GLP1R: variants seen among roughly 807,000 people sequenced by gnomAD.
GLP1R encodes the protein glucagon like peptide 1 receptor, also known as glucagon-like peptide 1 receptor.
In GLP1R, 32 loss-of-function variants were observed where a neutral mutation model predicts 68.4. The observed-to-expected ratio is 0.47, with a 90% CI of 0.35 to 0.63. GLP1R has a LOEUF of 0.63. GLP1R is among the 20% of genes least tolerant of loss of function. The pLI, the probability that GLP1R is intolerant of heterozygous loss-of-function variation, is 0.00. For missense variants in GLP1R, 502 were observed against 594.9 expected, an observed-to-expected ratio of 0.84 and a Z score of 1.62; for synonymous variants, 263 against 244.4, an observed-to-expected ratio of 1.08 and a Z score of -0.71.
Position 39,079,773 on chromosome 6 carries a change from C to T in GLP1R, c.1182+71C>T. ...GGGTGGGACAGACACCAGCCTGCAT[C>T]ATGCAGATGGAAAAGGTGGGAAGAC... On this transcript the variant is annotated intron_variant, in intron 11 of 12. Coordinates refer to ENST00000373256, the MANE Select transcript of GLP1R (RefSeq NM_002062.5). This position sits in a 1 kb window ranked among gnomAD's most constrained non-coding sequence, Gnocchi z 4.5. 7.3e-7 allele frequency: 1 copy of T among 1,368,122 alleles called. No individual in the cohort carries two copies. Among genetic ancestry groups the T allele is most frequent in the Non-Finnish European group, 1.0e-6 (1 of 975,722 alleles). The allele number at this position is 1,368,122 out of a possible 1,614,324, so 84.7% of individuals were successfully genotyped here. A position where few individuals can be genotyped will look rare whatever the true frequency, so the allele number is the denominator to read the frequency against.
rs1297534815 is a variant in GLP1R at position 39,088,137 on chromosome 6, G to A, written c.*2064G>A. On this transcript the variant is annotated 3_prime_UTR_variant, in exon 13 of 13. Coordinates refer to ENST00000373256, the MANE Select transcript of GLP1R (RefSeq NM_002062.5). ...AATCATTTAGTTTAAACTGTAAGTA[G>A]AGTTGTCTTCCCAACGAGAACTGGT... 2.0e-5 allele frequency among the ~76,000 whole-genome samples: 3 copies of A among 152,178 alleles called. No homozygotes were observed. The highest frequency in any genetic ancestry group is 6.5e-5 in the Admixed American group (1 of 15,274).
At chr6:39,073,481 C>A (rs1348431017) in intron 6 of GLP1R, 129 bp from the exon 7 acceptor site, 3 of 771,746 alleles carry the variant, frequency 3.9e-6, no homozygotes, top group African/African-American at 1.7e-5. Flanking sequence ...CTAGCCCTAG[C>A]CAGAGATGTG....
chr6:39,076,724 C>A (rs150760234), intron 7 of GLP1R, among the ~76,000 whole-genome samples: 1 of 152,222 alleles, frequency 6.6e-6, no homozygotes, highest in African/African-American at 2.4e-5. Flanking sequence ...TATGCACATG[C>A]TTACCTATCT....
rs1457412320 is a variant in GLP1R at position 39,088,917 on chromosome 6, C to G, written c.*2844C>G. Reference sequence around the variant, plus strand: ...GTCACAACACTAGAGGGTGGTTGAGCTGGGCCAGGACCCAGACAAGCCCTT... The same window carrying G: ...GTCACAACACTAGAGGGTGGTTGAGGTGGGCCAGGACCCAGACAAGCCCTT... On this transcript the variant is annotated 3_prime_UTR_variant, in exon 13 of 13. Transcript: ENST00000373256. Among the ~76,000 whole-genome samples, 2 of 152,172 alleles carry G rather than the reference C, an allele frequency of 1.3e-5. No individual in the cohort carries two copies. Among genetic ancestry groups the G allele is most frequent in the Non-Finnish European group, 2.9e-5 (2 of 68,038 alleles).
At chr6:39,080,627 T>G in intron 11 of GLP1R, 71 bp from the exon 12 acceptor site, 1 of 1,068,270 alleles carries the variant, frequency 9.4e-7, no homozygotes, top group Non-Finnish European at 1.4e-6. Flanking sequence ...CCCAAAGTGC[T>G]TCCGACCAGG....
Position 39,079,184 on chromosome 6 carries a change from A to G in GLP1R, c.1027A>G (p.Thr343Ala). 6.2e-7 allele frequency: 1 copy of G among 1,612,666 alleles called. No individual in the cohort carries two copies. The highest frequency in any genetic ancestry group is 8.5e-7 in the Non-Finnish European group (1 of 1,178,684). ...SKLKANLMCK[T>A]DIKCRLAKST... The stretch of plus-strand genomic sequence containing the variant: ...ACTGAAGGCCAATCTCATGTGCAAG[A>G]CAGACATCAAATGCAGGTGATGTAA... The change falls in exon 10 of 13, where the codon ACA becomes GCA. Residue 343 changes from threonine (T) to alanine (A), a missense_variant. Coordinates refer to ENST00000373256, the MANE Select transcript of GLP1R (RefSeq NM_002062.5). This position sits in a 1 kb window ranked among gnomAD's most constrained non-coding sequence, Gnocchi z 4.5.
intron 5 of GLP1R, among the ~76,000 whole-genome samples, chr6:39,072,512 G>T (rs560586111): frequency 6.6e-6 from 1 of 152,350 alleles, no homozygotes; most frequent in East Asian, 1.9e-4. Context: ...TAGGATGTGG[G>T]CCCTGTCAAC....
chr6:39,053,817 G>A (rs1173814656), intron 1 of GLP1R, among the ~76,000 whole-genome samples: 1 of 152,096 alleles, frequency 6.6e-6, no homozygotes, highest in African/African-American at 2.4e-5. Context: ...ATGGCACTGG[G>A]TGGCCCTAGC....
chr6:39,084,545 G>T (rs1019215027), intron 12 of GLP1R, among the ~76,000 whole-genome samples: 113 of 152,274 alleles, frequency 7.4e-4, no homozygotes, highest in African/African-American at 1.8e-3. Context: ...CTGCACAAGT[G>T]GGGGCCACCA....
chr6:39,085,868 GC>G (rs1462897613), intron 12 of GLP1R, 37 bp from the exon 13 acceptor site: 1 of 1,605,016 alleles, frequency 6.2e-7, no homozygotes, highest in African/African-American at 1.3e-5. Flanking sequence ...CCATTGGTTT[GC>G]ATGATGGCTT....
In GLP1R at chr6:39,066,207, A is replaced by G. The variant is rs1231876915; in HGVS notation, c.413A>G (p.Glu138Gly). ...CCCCGTGTGCCACAGAGCTCCCCGG[A>G]GGAGCAGCTCCTGTTCCTCTACATC... The part of the protein sequence containing the change: ...ESKRGERSSP[E>G]EQLLFLYIIY... The change falls in exon 5 of 13, where the codon GAG becomes GGG. Residue 138 changes from glutamate (E) to glycine (G), a missense_variant. Coordinates refer to ENST00000373256, the MANE Select transcript of GLP1R (RefSeq NM_002062.5). 1 of 1,595,858 alleles carries G rather than the reference A, an allele frequency of 6.3e-7. No homozygotes were observed. The highest frequency in any genetic ancestry group is 2.2e-5 in the East Asian group (1 of 44,720).
chr6:39,078,647 GAA>G (rs774780340), intron 8 of GLP1R, among the ~76,000 whole-genome samples: 1 of 152,200 alleles, frequency 6.6e-6, no homozygotes, highest in Non-Finnish European at 1.5e-5. Context: ...ATCTGCAAGT[GAA>G]ATGTTTGTGT....
intron 1 of GLP1R, among the ~76,000 whole-genome samples, chr6:39,053,646 G>C (rs948221485): frequency 6.6e-6 from 1 of 152,130 alleles, no homozygotes; most frequent in East Asian, 1.9e-4. Context: ...TGGGGGAGGG[G>C]CTGCTGTTCC....
rs184905666 is a variant in GLP1R at position 39,088,292 on chromosome 6, C to T, written c.*2219C>T. The stretch of plus-strand genomic sequence containing the variant: ...CTTTTCTTTGCTCCAACCCCCGCTC[C>T]CCCGGCCCCCCGAAGCTATTAATAG... On this transcript the variant is annotated 3_prime_UTR_variant, in exon 13 of 13. Transcript: ENST00000373256. 1.6e-3 allele frequency among the ~76,000 whole-genome samples: 248 copies of T among 151,930 alleles called. No individual in the cohort carries two copies. The highest frequency in any genetic ancestry group is 1.6e-3 in the Non-Finnish European group (112 of 67,976).
At chr6:39,063,688 C>T (rs79292305) in intron 3 of GLP1R, among the ~76,000 whole-genome samples, 2,208 of 152,166 alleles carry the variant, frequency 0.015, 61 homozygotes, top group African/African-American at 0.049. Context: ...GGAGGCTGTC[C>T]TGGTGTCTGG....
intron 1 of GLP1R, among the ~76,000 whole-genome samples, chr6:39,055,618 C>T (rs1309445232): frequency 6.6e-6 from 1 of 152,052 alleles, no homozygotes; most frequent in African/African-American, 2.4e-5. Flanking sequence ...GTTCTGGAAC[C>T]TCCCTGACCC....
At chr6:39,073,802 G>A (rs1190587378) in intron 7 of GLP1R, 33 bp downstream of exon 7, 1 of 1,603,314 alleles carries the variant, frequency 6.2e-7, no homozygotes, top group Non-Finnish European at 8.5e-7. Flanking sequence ...CTGGACCTGT[G>A]GCACGGGGGT....
rs1769131738 is a variant in GLP1R, at chr6:39,085,900, T to C, written c.1225-6T>C. On this transcript the variant is annotated splice_region_variant and splice_polypyrimidine_tract_variant and intron_variant, in intron 12 of 12. Coordinates refer to ENST00000373256, the MANE Select transcript of GLP1R (RefSeq NM_002062.5). ...GGCTTTCGTTTCCCTCCTTTTCCCATGGAAGGTCCAGCTGGAATTTCGGAA... is the reference window on the plus strand; with the variant it reads ...GGCTTTCGTTTCCCTCCTTTTCCCACGGAAGGTCCAGCTGGAATTTCGGAA... 4 of 1,613,808 alleles carry C rather than the reference T, an allele frequency of 2.5e-6. No homozygotes were observed. The highest frequency in any genetic ancestry group is 3.4e-6 in the Non-Finnish European group (4 of 1,179,752).
chr6:39,050,740 G>A (rs1768068736), intron 1 of GLP1R, among the ~76,000 whole-genome samples: 1 of 152,160 alleles, frequency 6.6e-6, no homozygotes, highest in African/African-American at 2.4e-5. Context: ...TTTGCATTTT[G>A]TTTTCTGTCT....
Sources: allele counts gnomAD v4.1 joint callset (sites outside exome capture counted in the v4.1 genomes callset), GRCh38; gene constraint gnomAD v4.1.1; non-coding constraint Gnocchi (gnomAD v3.1); transcripts MANE v1.5; gene names NCBI Gene and HGNC (gene_info 2026-07-23, HGNC 2026-07-21).